HYCC2: variants seen among roughly 807,000 people sequenced by gnomAD.
The protein encoded by HYCC2 is hyccin 2.
At chr2:201,002,336 A>C in the HYCC2 span, among the ~76,000 whole-genome samples, 1 of 152,092 alleles carries the variant, frequency 6.6e-6, no homozygotes, top group African/African-American at 2.4e-5. Flanking sequence ...GGTAAAGAAA[A>C]ACAATAATGA....
At chr2:201,006,054 G>A in the HYCC2 span, among the ~76,000 whole-genome samples, 35 of 151,078 alleles carry the variant, frequency 2.3e-4, no homozygotes, top group African/African-American at 7.5e-4. Flanking sequence ...GGCTAGTCTC[G>A]AACTCCTGAC....
chr2:201,041,437 C>A, the HYCC2 span, among the ~76,000 whole-genome samples: 3 of 152,254 alleles, frequency 2.0e-5, no homozygotes, highest in East Asian at 3.8e-4. Context: ...AACTCCAGCA[C>A]ATCTGTGCAG....
chr2:200,997,677 G>C, the HYCC2 span: 119 of 588,512 alleles, frequency 2.0e-4, no homozygotes, highest in African/African-American at 2.1e-3. Context: ...AGGTTTCCCT[G>C]TTTATATTCT....
At chr2:201,042,909 C>T in the HYCC2 span, among the ~76,000 whole-genome samples, 1 of 151,930 alleles carries the variant, frequency 6.6e-6, no homozygotes, top group South Asian at 2.1e-4. Flanking sequence ...CCCCTCTGCC[C>T]GGCCGCCACC....
the HYCC2 span, among the ~76,000 whole-genome samples, chr2:201,027,441 G>A: frequency 3.3e-5 from 5 of 151,982 alleles, no homozygotes; most frequent in Admixed American, 3.3e-4. Context: ...AGAAAAAGAG[G>A]GAATCCTCCC....
At chr2:200,981,863 C>T in the HYCC2 span, 2 of 1,597,992 alleles carry the variant, frequency 1.3e-6, no homozygotes, top group Non-Finnish European at 1.7e-6. This position sits in a 1 kb window ranked among gnomAD's most constrained non-coding sequence, Gnocchi z 4.5. Flanking sequence ...CCATTTACAC[C>T]CTCAGCACCT....
chr2:201,000,107 C>T, the HYCC2 span, among the ~76,000 whole-genome samples: 1 of 144,234 alleles, frequency 6.9e-6, no homozygotes, highest in Non-Finnish European at 1.5e-5. Flanking sequence ...TCCAGTAGGT[C>T]ATTCCTGAAA....
At chr2:201,053,320 A>G in the HYCC2 span, among the ~76,000 whole-genome samples, 4 of 152,082 alleles carry the variant, frequency 2.6e-5, no homozygotes, top group Non-Finnish European at 5.9e-5. Flanking sequence ...GCGGGGTTTC[A>G]CCATATTGGC....
the HYCC2 span, among the ~76,000 whole-genome samples, chr2:200,999,754 T>A: frequency 2.0e-5 from 3 of 149,236 alleles, no homozygotes; most frequent in Admixed American, 2.0e-4. Flanking sequence ...TCTACTAGGA[T>A]GAAAAAGAGA....
the HYCC2 span, chr2:201,052,287 GGGAAGAAAAAAACAC>G: frequency 6.6e-6 from 1 of 151,812 alleles, no homozygotes; most frequent in South Asian, 2.1e-4. Flanking sequence ...ACAGGAGGGG[GGGAAGAAAAAAACAC>G]GGAAGAAAAT....
chr2:201,027,366 G>A, the HYCC2 span, among the ~76,000 whole-genome samples: 5 of 152,126 alleles, frequency 3.3e-5, no homozygotes, highest in Non-Finnish European at 7.3e-5. Context: ...CGGATTCACA[G>A]CTGAATTCTA....
chr2:201,027,098 T>A, the HYCC2 span, among the ~76,000 whole-genome samples: 5 of 151,424 alleles, frequency 3.3e-5, no homozygotes, highest in East Asian at 9.7e-4. Context: ...GAGAGAAGAA[T>A]CAAATAGATG....
chr2:201,041,468 T>C, the HYCC2 span, among the ~76,000 whole-genome samples: 4 of 152,236 alleles, frequency 2.6e-5, no homozygotes, highest in African/African-American at 4.8e-5. Flanking sequence ...CCTAGAATGC[T>C]GTCCTGCTCC....
chr2:201,046,077 T>G, the HYCC2 span, among the ~76,000 whole-genome samples: 8 of 152,152 alleles, frequency 5.3e-5, no homozygotes, highest in Non-Finnish European at 1.0e-4. Flanking sequence ...CAAAATTATT[T>G]TGGATGGGTT....
chr2:201,010,060 C>T, the HYCC2 span, among the ~76,000 whole-genome samples: 4 of 148,838 alleles, frequency 2.7e-5, no homozygotes, highest in Non-Finnish European at 5.9e-5. Context: ...GCTGAGATCG[C>T]GCCACTGCAC....
At chr2:201,049,116 T>A in the HYCC2 span, among the ~76,000 whole-genome samples, 3 of 146,984 alleles carry the variant, frequency 2.0e-5, no homozygotes, top group African/African-American at 7.6e-5. Context: ...TGAGTAAGAC[T>A]CTGTCTTAAA....
the HYCC2 span, chr2:200,997,459 A>G: frequency 6.2e-7 from 1 of 1,607,732 alleles, no homozygotes; most frequent in Non-Finnish European, 8.5e-7. Context: ...AACCCATCCG[A>G]CAAAGAGATT....
the HYCC2 span, among the ~76,000 whole-genome samples, chr2:200,989,643 T>C: frequency 6.6e-6 from 1 of 151,754 alleles, no homozygotes; most frequent in Non-Finnish European, 1.5e-5. Context: ...TGAGATCTCG[T>C]CTCCACAAAA....
chr2:200,987,217 G>A, the HYCC2 span: 3 of 558,120 alleles, frequency 5.4e-6, no homozygotes, highest in African/African-American at 6.0e-5. Context: ...ATATGAGGAG[G>A]GAGGGTGCTT....
Sources: gnomAD v4.1 joint callset for allele counts (sites outside exome capture counted in the v4.1 genomes callset) on GRCh38, gnomAD v4.1.1 for gene constraint, Gnocchi (gnomAD v3.1) non-coding constraint, MANE v1.5 for transcripts, NCBI Gene and HGNC (gene_info 2026-07-23, HGNC 2026-07-21) for gene names.